Variants in SMYD3 observed in about 807,000 individuals in gnomAD.
SMYD3 encodes histone-lysine N-methyltransferase SMYD3.
SMYD3 carries 36 observed loss-of-function variants against 57.7 expected under a neutral mutation model. That is an observed-to-expected ratio of 0.62 (90% confidence interval 0.48 to 0.82). The LOEUF (loss-of-function observed/expected upper bound fraction) is 0.82. Ranked by LOEUF, SMYD3 falls within the 40% of genes least tolerant of loss-of-function variation. The pLI, the probability that SMYD3 is intolerant of heterozygous loss-of-function variation, is 0.00. For missense variants in SMYD3, 515 were observed against 538.8 expected (o/e 0.96, Z 0.44); for synonymous variants, 211 against 195.0 (o/e 1.08, Z -0.68).
chr1:245,909,542 G>A (rs946889983), intron 8 of SMYD3, among the ~76,000 whole-genome samples: 2 of 152,106 alleles, frequency 1.3e-5, no homozygotes, highest in African/African-American at 4.8e-5. Flanking sequence ...CAATATCACT[G>A]ATTAGCATAG....
chr1:246,492,434 G>A (rs192215451), intron 1 of SMYD3, among the ~76,000 whole-genome samples: 2 of 152,244 alleles, frequency 1.3e-5, no homozygotes, highest in Admixed American at 6.5e-5. Flanking sequence ...AAGGACAAAC[G>A]ATGGATAGGG....
chr1:245,814,347 G>A (rs1220217793), intron 10 of SMYD3: 1 of 983,890 alleles, frequency 1.0e-6, no homozygotes, highest in Non-Finnish European at 1.2e-6. Context: ...GATACCTGAA[G>A]CAGCACCAGG....
chr1:246,099,673 A>G (rs895550247), intron 5 of SMYD3, among the ~76,000 whole-genome samples: 4 of 151,926 alleles, frequency 2.6e-5, no homozygotes, highest in Non-Finnish European at 4.4e-5. Flanking sequence ...AGTGAAAGGG[A>G]AAAAAAACAC....
In SMYD3 at chr1:246,350,919, A is replaced by G. The variant is rs189095340; in HGVS notation, c.228+4112T>C. On this transcript the variant is annotated intron_variant, in intron 2 of 11. Coordinates refer to ENST00000490107, the MANE Select transcript of SMYD3 (RefSeq NM_001167740.2). ...GTACTCCCTTTGTGTTGACAGTTAGATACAAAGCTGACTTATCTACAGTAC... is the reference window on the plus strand; with the variant it reads ...GTACTCCCTTTGTGTTGACAGTTAGGTACAAAGCTGACTTATCTACAGTAC... Among the ~76,000 whole-genome samples, 4 of 152,346 alleles carry G rather than the reference A, an allele frequency of 2.6e-5. No individual in the cohort carries two copies. In the East Asian group the frequency reaches 7.7e-4, roughly 29 times the overall value.
intron 5 of SMYD3, among the ~76,000 whole-genome samples, chr1:246,172,926 A>G (rs898066662): frequency 2.7e-5 from 4 of 147,562 alleles, no homozygotes; most frequent in Admixed American, 1.4e-4. Context: ...AACACTACAC[A>G]CTTATGCTAC....
chr1:246,021,958 C>T (rs757986263), intron 5 of SMYD3, among the ~76,000 whole-genome samples: 97 of 152,180 alleles, frequency 6.4e-4, no homozygotes, highest in Non-Finnish European at 1.3e-3. Flanking sequence ...GCACTTCAAA[C>T]TGTGACATAA....
intron 5 of SMYD3, among the ~76,000 whole-genome samples, chr1:246,006,912 A>G (rs1017614402): frequency 2.6e-5 from 4 of 152,226 alleles, no homozygotes; most frequent in Admixed American, 2.6e-4. Flanking sequence ...GAAATCTAAG[A>G]GCAGACACAG....
intron 7 of SMYD3, among the ~76,000 whole-genome samples, chr1:245,919,378 A>T (rs1558493854): frequency 6.6e-6 from 1 of 152,088 alleles, no homozygotes; most frequent in Non-Finnish European, 1.5e-5. Flanking sequence ...CACCATGCCA[A>T]CATGTGTCTG....
chr1:246,167,748 T>C (rs1471524787), intron 5 of SMYD3, among the ~76,000 whole-genome samples: 1 of 152,128 alleles, frequency 6.6e-6, no homozygotes, highest in Non-Finnish European at 1.5e-5. Context: ...TGACCTCAGG[T>C]GATCTTCCCA....
intron 5 of SMYD3, among the ~76,000 whole-genome samples, chr1:246,263,013 T>C (rs2148526116): frequency 6.6e-6 from 1 of 152,294 alleles, no homozygotes; most frequent in Non-Finnish European, 1.5e-5. Context: ...TCTTTAATTG[T>C]CTCAAGAATG....
intron 10 of SMYD3, among the ~76,000 whole-genome samples, chr1:245,767,827 A>G (rs2046179346): frequency 6.6e-6 from 1 of 152,244 alleles, no homozygotes; most frequent in African/African-American, 2.4e-5. Flanking sequence ...GCGCAAAGCT[A>G]GGAACTCTGG....
intron 8 of SMYD3, among the ~76,000 whole-genome samples, chr1:245,887,959 C>CA (rs901994122): frequency 7.3e-5 from 11 of 150,978 alleles, no homozygotes; most frequent in African/African-American, 1.5e-4. Flanking sequence ...GAGTAATAAG[C>CA]AAAAAAAAGG....
At chr1:245,812,211 A>T (rs139888484) in intron 10 of SMYD3, among the ~76,000 whole-genome samples, 5 of 152,308 alleles carry the variant, frequency 3.3e-5, no homozygotes, top group Middle Eastern at 6.8e-3. Flanking sequence ...GGATTGAAGG[A>T]CTAAAGTCCA....
intron 1 of SMYD3, among the ~76,000 whole-genome samples, chr1:246,402,238 T>C (rs2066781905): frequency 6.6e-6 from 1 of 151,942 alleles, no homozygotes; most frequent in African/African-American, 2.4e-5. Context: ...TACAGATGTT[T>C]CTTCATCCTG....
intron 5 of SMYD3, among the ~76,000 whole-genome samples, chr1:246,287,791 A>G (rs980802327): frequency 3.3e-5 from 5 of 152,212 alleles, no homozygotes; most frequent in African/African-American, 1.2e-4. Flanking sequence ...CTATAAATCA[A>G]TATTTTCAGT....
At chr1:246,475,536 C>T (rs1277804549) in intron 1 of SMYD3, among the ~76,000 whole-genome samples, 1 of 151,794 alleles carries the variant, frequency 6.6e-6, no homozygotes, top group Non-Finnish European at 1.5e-5. Context: ...GTCCCAGCTA[C>T]TCGGGAAACT....
chr1:246,058,068 A>G (rs140209555), intron 5 of SMYD3, among the ~76,000 whole-genome samples: 256 of 151,802 alleles, frequency 1.7e-3, no homozygotes, highest in African/African-American at 5.6e-3. Context: ...CGGTAAAAAG[A>G]TCAGCGGTTG....
chr1:245,850,504 C>A (rs1294087035), intron 10 of SMYD3, among the ~76,000 whole-genome samples: 1 of 152,000 alleles, frequency 6.6e-6, no homozygotes, highest in Non-Finnish European at 1.5e-5. Context: ...CTAGCCTGGG[C>A]AACATTACAA....
At chr1:245,792,209 C>T (rs971126351) in intron 10 of SMYD3, among the ~76,000 whole-genome samples, 6 of 152,074 alleles carry the variant, frequency 3.9e-5, no homozygotes, top group African/African-American at 9.7e-5. Flanking sequence ...TGCTGGGTAC[C>T]GCTCTAGATG....
Sources: allele counts gnomAD v4.1 joint callset (sites outside exome capture counted in the v4.1 genomes callset), GRCh38; gene constraint gnomAD v4.1.1; transcripts MANE v1.5; gene names NCBI Gene and HGNC (gene_info 2026-07-23, HGNC 2026-07-21).